The following PCDHGB1 variants were observed in gnomAD, a reference collection of about 807,000 sequenced individuals.
PCDHGB1 encodes the protein protocadherin gamma-B1.
Under a neutral mutation model 56.6 loss-of-function variants are expected in PCDHGB1, and 34 were observed. That is an observed-to-expected ratio of 0.60 (90% CI 0.46 to 0.80). PCDHGB1 has a LOEUF of 0.80. Ranked by LOEUF, PCDHGB1 falls within the 30% of genes least tolerant of loss-of-function variation. The probability of loss-of-function intolerance (pLI) is 0.00; values close to 1 mark genes in which losing one functional copy is unlikely to be tolerated. For missense variants in PCDHGB1, 1,278 were observed against 1,204.6 expected, an observed-to-expected ratio of 1.06 and a Z score of -0.90; for synonymous variants, 561 against 505.9, an observed-to-expected ratio of 1.11 and a Z score of -1.46.
intron 1 of PCDHGB1, 137 bp from the exon 2 acceptor site, chr5:141,494,670 C>T: frequency 6.5e-7 from 1 of 1,529,402 alleles, no homozygotes; most frequent in Non-Finnish European, 8.8e-7. Flanking sequence ...GGAGATGAGT[C>T]CACCCCTGCC....
intron 1 of PCDHGB1, chr5:141,389,450 G>C: frequency 6.2e-7 from 1 of 1,610,530 alleles, no homozygotes; most frequent in Non-Finnish European, 8.5e-7. Context: ...ACCACGAGCA[G>C]CTGCGCGCCT....
At chr5:141,356,734 G>A (rs781480636) in intron 1 of PCDHGB1, 1 of 1,613,990 alleles carries the variant, frequency 6.2e-7, no homozygotes. Flanking sequence ...CTCCAATACA[G>A]GGATCCTATA....
intron 1 of PCDHGB1, chr5:141,389,562 G>T (rs1561626191): frequency 1.2e-6 from 2 of 1,613,284 alleles, no homozygotes; most frequent in Non-Finnish European, 1.7e-6. Context: ...TGCGCCACGG[G>T]TGCTGTACCC....
Position 141,383,049 on chromosome 5 carries a change from G to C in PCDHGB1, c.2409+30380G>C, listed in dbSNP as rs779106714. 2.0e-5 allele frequency: 32 copies of C among 1,613,788 alleles called. No homozygotes were observed. Among genetic ancestry groups the C allele is most frequent in the Non-Finnish European group, 2.7e-5 (32 of 1,179,922 alleles). ...GGTCCTTTGTGGGAGACATCGCCAAGGACCTGGGGCTGGAGCCCCGGGAGC... is the reference window on the plus strand; with the variant it reads ...GGTCCTTTGTGGGAGACATCGCCAACGACCTGGGGCTGGAGCCCCGGGAGC... On this transcript the variant is annotated intron_variant, in intron 1 of 3. Coordinates refer to ENST00000523390, the MANE Select transcript of PCDHGB1 (RefSeq NM_018922.3).
chr5:141,470,054 C>T (rs895181664), intron 1 of PCDHGB1, among the ~76,000 whole-genome samples: 2 of 152,118 alleles, frequency 1.3e-5, no homozygotes, highest in African/African-American at 4.8e-5. Flanking sequence ...GTTTGAACCC[C>T]GGAGGCAGAG....
chr5:141,392,242 G>A (rs1294476832), intron 1 of PCDHGB1: 1 of 152,134 alleles, frequency 6.6e-6, no homozygotes, highest in African/African-American at 2.4e-5. Context: ...TTAGTTATTT[G>A]TTAGTATATA....
Position 141,410,300 on chromosome 5 carries a change from T to A in PCDHGB1, c.2409+57631T>A, listed in dbSNP as rs1233506038. 4 of 1,614,022 alleles carry A rather than the reference T, an allele frequency of 2.5e-6. No individual in the cohort carries two copies. In the Admixed American group the frequency reaches 6.7e-5, roughly 27 times the overall value. ...CCTGGTGGTGGCCTTGGCCTTAATC[T>A]CAGTGCTCTTCCTCCTCGCCGTGAT... On this transcript the variant is annotated intron_variant, in intron 1 of 3. Coordinates refer to ENST00000523390, the MANE Select transcript of PCDHGB1 (RefSeq NM_018922.3).
rs779250544 is a variant in PCDHGB1, at chr5:141,432,639, G to A, written c.2410-62168G>A. The A allele has an allele frequency of 1.2e-6, 2 of 1,613,816 alleles. No homozygotes were observed. Among genetic ancestry groups the A allele is most frequent in the Non-Finnish European group, 1.7e-6 (2 of 1,179,934 alleles). On this transcript the variant is annotated intron_variant, in intron 1 of 3. Coordinates refer to ENST00000523390, the MANE Select transcript of PCDHGB1 (RefSeq NM_018922.3). This position sits in a 1 kb window ranked among gnomAD's most constrained non-coding sequence, Gnocchi z 6.0. Reference sequence around the variant, plus strand: ...GTGGGTCTGCACACGGGCGAGGTGCGCACGGCGCGAGCCCTGCTGGACAGA... The same window carrying A: ...GTGGGTCTGCACACGGGCGAGGTGCACACGGCGCGAGCCCTGCTGGACAGA...
chr5:141,364,744 A>T (rs1366184046), intron 1 of PCDHGB1: 1 of 1,613,990 alleles, frequency 6.2e-7, no homozygotes, highest in Non-Finnish European at 8.5e-7. Flanking sequence ...ATGAAGAGTT[A>T]AAAGTAAAAG....
chr5:141,509,684 C>G (rs572295300), intron 3 of PCDHGB1, among the ~76,000 whole-genome samples: 139 of 152,310 alleles, frequency 9.1e-4, no homozygotes, highest in Admixed American at 3.7e-3. Flanking sequence ...TTCTTCTGTA[C>G]AGTGGGACGT....
intron 1 of PCDHGB1, chr5:141,372,068 T>C (rs770870533): frequency 3.1e-6 from 5 of 1,613,630 alleles, no homozygotes; most frequent in Non-Finnish European, 1.7e-6. Flanking sequence ...GCAACGACAA[T>C]GCACCGCTGG....
chr5:141,432,945 G>A lies in PCDHGB1; in HGVS notation c.2410-61862G>A, dbSNP rs761055026. On this transcript the variant is annotated intron_variant, in intron 1 of 3. Transcript: ENST00000523390. This position sits in a 1 kb window ranked among gnomAD's most constrained non-coding sequence, Gnocchi z 6.0. ...AAGTCACGCCTGCTGCAGGCTTCAGGAGGCGGCTTGACAGGAGCGCCGGCG... is the reference window on the plus strand; with the variant it reads ...AAGTCACGCCTGCTGCAGGCTTCAGAAGGCGGCTTGACAGGAGCGCCGGCG... 3 of 1,614,218 alleles carry A rather than the reference G, an allele frequency of 1.9e-6. No individual in the cohort carries two copies. The highest frequency in any genetic ancestry group is 2.5e-6 in the Non-Finnish European group (3 of 1,180,058).
chr5:141,413,652 G>T, intron 1 of PCDHGB1: 4 of 1,613,780 alleles, frequency 2.5e-6, no homozygotes, highest in Non-Finnish European at 3.4e-6. Context: ...TTCCTCTCCC[G>T]GAAGCTATTG....
intron 1 of PCDHGB1, chr5:141,395,099 C>T: frequency 6.2e-7 from 1 of 1,614,228 alleles, no homozygotes; most frequent in Non-Finnish European, 8.5e-7. Flanking sequence ...TCACCGCCGA[C>T]TCGCGGAAGA....
Position 141,393,633 on chromosome 5 carries a change from A to G in PCDHGB1, c.2409+40964A>G, listed in dbSNP as rs376168054. The stretch of plus-strand genomic sequence containing the variant: ...AGCCAGCGACCCGGATGAGGGAATC[A>G]ACGGAAAAGTGGCATACAAATTCCG... On this transcript the variant is annotated intron_variant, in intron 1 of 3. Transcript: ENST00000523390. 8 of 1,613,854 alleles carry G rather than the reference A, an allele frequency of 5.0e-6. No homozygotes were observed. The highest frequency in any genetic ancestry group is 1.3e-5 in the African/African-American group (1 of 74,956).
chr5:141,374,091 C>A, intron 1 of PCDHGB1: 1 of 1,536,766 alleles, frequency 6.5e-7, no homozygotes, highest in Non-Finnish European at 8.8e-7. Context: ...GTAATGGCGC[C>A]TCCGCAGAGG....
chr5:141,511,049 G>A lies in PCDHGB1; in HGVS notation c.2660G>A (p.Arg887His), dbSNP rs61749029. 408 of 1,614,098 alleles carry A rather than the reference G, an allele frequency of 2.5e-4. No individual in the cohort carries two copies. Among genetic ancestry groups the A allele is most frequent in the South Asian group, 7.2e-4 (66 of 91,094 alleles). Residue 887 changes from arginine (R) to histidine (H), a missense_variant, in exon 4 of 4, where the codon CGC becomes CAC. Transcript: ENST00000523390. ...QFTLQHVPDY[R>H]QNVYIPGSNA... ...ACCCTGCAGCACGTGCCCGACTACC[G>A]CCAGAATGTCTACATCCCAGGCAGC...
intron 1 of PCDHGB1, chr5:141,419,128 A>T (rs1298102722): frequency 1.2e-6 from 2 of 1,613,768 alleles, no homozygotes; most frequent in East Asian, 2.2e-5. Flanking sequence ...TCACCATCGC[A>T]GCCACAGACA....
At chr5:141,445,269 C>A (rs535300313) in intron 1 of PCDHGB1, among the ~76,000 whole-genome samples, 1 of 152,260 alleles carries the variant, frequency 6.6e-6, no homozygotes, top group Non-Finnish European at 1.5e-5. Flanking sequence ...AAGTCGAAAC[C>A]ACTCTGCATA....
Sources: allele counts gnomAD v4.1 joint callset (sites outside exome capture counted in the v4.1 genomes callset), GRCh38; gene constraint gnomAD v4.1.1; non-coding constraint Gnocchi (gnomAD v3.1); transcripts MANE v1.5; gene names NCBI Gene and HGNC (gene_info 2026-07-23, HGNC 2026-07-21).